CUL5: variants seen among roughly 807,000 people sequenced by gnomAD.
CUL5 encodes cullin-5.
CUL5 carries 26 observed loss-of-function variants against 108.8 expected under a neutral mutation model. The observed-to-expected ratio is 0.24, with a 90% CI of 0.18 to 0.33. CUL5 has a LOEUF of 0.33. Among genes scored for constraint, CUL5 ranks in the 10% least tolerant of loss-of-function variants. The pLI is 1.00. For missense variants in CUL5, 524 were observed against 909.2 expected, an observed-to-expected ratio of 0.58 and a Z score of 5.45; for synonymous variants, 334 against 298.0, an observed-to-expected ratio of 1.12 and a Z score of -1.25.
At chr11:108,018,400 C>T (rs932470738) in intron 1 of CUL5, among the ~76,000 whole-genome samples, 14 of 152,032 alleles carry the variant, frequency 9.2e-5, no homozygotes, top group Non-Finnish European at 1.9e-4. Context: ...GGGGTGATGG[C>T]GCATGCCTAT....
intron 13 of CUL5, among the ~76,000 whole-genome samples, chr11:108,093,186 T>G (rs1864398574): frequency 6.6e-6 from 1 of 152,238 alleles, no homozygotes; most frequent in Non-Finnish European, 1.5e-5. Context: ...AAGAGTAGTT[T>G]GAATAGCTTT....
chr11:108,052,113 A>G (rs1863242227), intron 4 of CUL5, among the ~76,000 whole-genome samples: 1 of 151,970 alleles, frequency 6.6e-6, no homozygotes. Context: ...CTACAGGCAC[A>G]TGCCAGCATG....
intron 11 of CUL5, among the ~76,000 whole-genome samples, chr11:108,081,770 C>G (rs991980688): frequency 2.6e-5 from 4 of 151,978 alleles, no homozygotes; most frequent in South Asian, 2.1e-4. Flanking sequence ...AATCAGTTGG[C>G]TATGATGTAT....
chr11:108,035,516 C>A (rs559930595), intron 2 of CUL5, among the ~76,000 whole-genome samples: 2 of 151,660 alleles, frequency 1.3e-5, no homozygotes, highest in East Asian at 1.9e-4. Flanking sequence ...ACAGGGTGAT[C>A]GCTTGAGCCC....
intron 7 of CUL5, among the ~76,000 whole-genome samples, chr11:108,066,490 C>A (rs529046360): frequency 1.3e-5 from 2 of 152,176 alleles, no homozygotes; most frequent in Non-Finnish European, 2.9e-5. Context: ...ATACAACTCA[C>A]TCTGTTACTT....
intron 11 of CUL5, among the ~76,000 whole-genome samples, chr11:108,078,849 TAATC>T (rs1214952108): frequency 5.9e-5 from 9 of 152,074 alleles, no homozygotes; most frequent in African/African-American, 1.9e-4. Context: ...GAAGGAAAAA[TAATC>T]AGGTATTTTT....
chr11:108,049,702 A>G (rs1467289365), intron 3 of CUL5, among the ~76,000 whole-genome samples, 188 bp from the exon 4 acceptor site: 1 of 152,102 alleles, frequency 6.6e-6, no homozygotes, highest in Admixed American at 6.6e-5. Flanking sequence ...TTTTTTATCT[A>G]TTTTGAATAA....
At chr11:108,072,739 A>T (rs1225612392) in intron 9 of CUL5, among the ~76,000 whole-genome samples, 2 of 152,208 alleles carry the variant, frequency 1.3e-5, no homozygotes, top group African/African-American at 2.4e-5. Context: ...GTTTGAAGTG[A>T]TGGATATAGT....
chr11:108,078,496 A>G (rs1300615186), intron 11 of CUL5, among the ~76,000 whole-genome samples: 1 of 152,126 alleles, frequency 6.6e-6, no homozygotes. Context: ...TTCCCTCATT[A>G]GTCACTAAAA....
At chr11:108,017,741 A>G (rs1862237622) in intron 1 of CUL5, among the ~76,000 whole-genome samples, 2 of 151,884 alleles carry the variant, frequency 1.3e-5, no homozygotes. Context: ...TCTCAGCTAC[A>G]TGGGAGGCTG....
intron 3 of CUL5, among the ~76,000 whole-genome samples, chr11:108,049,090 C>G (rs1442114389): frequency 6.6e-6 from 1 of 152,008 alleles, no homozygotes; most frequent in Non-Finnish European, 1.5e-5. Flanking sequence ...CCCAATAATC[C>G]CAGAATATTT....
chr11:108,088,667 A>G lies in CUL5; in HGVS notation c.1311+8A>G. 6.4e-7 allele frequency: 1 copy of G among 1,568,238 alleles called. No individual in the cohort carries two copies. The highest frequency in any genetic ancestry group is 8.6e-7 in the Non-Finnish European group (1 of 1,163,282). ...GCAAAGCTTAAAGAAGTGGTACATG[A>G]ATTTTTTGTATTTCAACTTTTAAAA... On this transcript the variant is annotated splice_region_variant and intron_variant, in intron 12 of 18. Transcript: ENST00000393094.
chr11:108,063,556 A>C (rs1305539524), intron 7 of CUL5, among the ~76,000 whole-genome samples: 5 of 150,976 alleles, frequency 3.3e-5, no homozygotes, highest in Non-Finnish European at 7.4e-5. Flanking sequence ...CTAAAACTTA[A>C]AGTATAATAA....
intron 8 of CUL5, among the ~76,000 whole-genome samples, chr11:108,072,099 C>G (rs1488158888): frequency 1.3e-5 from 2 of 151,980 alleles, no homozygotes; most frequent in Non-Finnish European, 2.9e-5. Context: ...GGATTGCTTG[C>G]GCCCAAGAGG....
intron 1 of CUL5, among the ~76,000 whole-genome samples, chr11:108,014,388 A>G (rs1189493025): frequency 1.3e-5 from 2 of 152,174 alleles, no homozygotes; most frequent in East Asian, 1.9e-4. Flanking sequence ...CAAGAGGGAT[A>G]GGAGTGAAAG....
intron 8 of CUL5, among the ~76,000 whole-genome samples, chr11:108,071,085 G>GA (rs1238832319): frequency 1.3e-5 from 2 of 152,104 alleles, no homozygotes; most frequent in African/African-American, 4.8e-5. Flanking sequence ...TTTGTAAATT[G>GA]AAAAATTATT....
chr11:108,064,004 A>G (rs530552767), intron 7 of CUL5, among the ~76,000 whole-genome samples: 272 of 152,298 alleles, frequency 1.8e-3, no homozygotes, highest in African/African-American at 5.9e-3. Flanking sequence ...TTCCTTTCCA[A>G]TTTGGATGCT....
chr11:108,044,921 C>A (rs962803793), intron 2 of CUL5, among the ~76,000 whole-genome samples: 1 of 151,934 alleles, frequency 6.6e-6, no homozygotes, highest in Non-Finnish European at 1.5e-5. Flanking sequence ...ACCACCACGC[C>A]TGGCTAATTT....
intron 7 of CUL5, among the ~76,000 whole-genome samples, chr11:108,068,490 A>G (rs1863745184): frequency 6.6e-6 from 1 of 151,974 alleles, no homozygotes; most frequent in Non-Finnish European, 1.5e-5. Flanking sequence ...AATTTTAAGC[A>G]TTTTTACAAT....
Sources: gnomAD v4.1 joint callset for allele counts (sites outside exome capture counted in the v4.1 genomes callset) on GRCh38, gnomAD v4.1.1 for gene constraint, MANE v1.5 for transcripts, NCBI Gene and HGNC (gene_info 2026-07-23, HGNC 2026-07-21) for gene names.